The following PAPPA2 variants were observed in gnomAD, a reference collection of about 807,000 sequenced individuals.
PAPPA2 encodes the protein pappalysin-2.
A neutral mutation model predicts 176.4 loss-of-function variants in PAPPA2; 86 were observed. That is an observed-to-expected ratio of 0.49 (90% confidence interval 0.41 to 0.58). The LOEUF (loss-of-function observed/expected upper bound fraction) is 0.58, where lower values mean the gene tolerates loss of function less well. PAPPA2 is among the 20% of genes least tolerant of loss of function. The pLI is 0.00. For missense variants in PAPPA2, 2,073 were observed against 2,256.9 expected (o/e 0.92, Z 1.65); for synonymous variants, 809 against 852.2 (o/e 0.95, Z 0.88).
At chr1:176,767,430 C>T (rs184540407) in intron 15 of PAPPA2, among the ~76,000 whole-genome samples, 29 of 152,290 alleles carry the variant, frequency 1.9e-4, no homozygotes, top group African/African-American at 7.0e-4. Context: ...ACCTCCCAAC[C>T]TCCACCTCCC....
chr1:176,514,388 A>G (rs1648785593), intron 1 of PAPPA2, among the ~76,000 whole-genome samples: 1 of 152,194 alleles, frequency 6.6e-6, no homozygotes, highest in African/African-American at 2.4e-5. Context: ...GATCTGCCCC[A>G]TGACCCAAGC....
intron 4 of PAPPA2, among the ~76,000 whole-genome samples, chr1:176,685,670 C>T (rs983382289): frequency 2.6e-5 from 4 of 152,222 alleles, no homozygotes; most frequent in African/African-American, 4.8e-5. Flanking sequence ...ACAGTCCCTC[C>T]GGCCCCCTCC....
intron 1 of PAPPA2, among the ~76,000 whole-genome samples, chr1:176,476,010 T>C (rs1189466076): frequency 6.6e-6 from 1 of 152,086 alleles, no homozygotes; most frequent in East Asian, 1.9e-4. Context: ...TGAGTTACTG[T>C]AGTTATTTGG....
intron 14 of PAPPA2, among the ~76,000 whole-genome samples, chr1:176,757,806 A>T (rs1663499376): frequency 6.6e-6 from 1 of 152,114 alleles, no homozygotes; most frequent in African/African-American, 2.4e-5. Context: ...GGTATTGCCT[A>T]GGTTTTCTTC....
At chr1:176,545,415 A>AAAATAAATAAATAAATAAAT (rs55993766) in intron 1 of PAPPA2, among the ~76,000 whole-genome samples, 1 of 146,284 alleles carries the variant, frequency 6.8e-6, no homozygotes, top group Non-Finnish European at 1.5e-5. Flanking sequence ...AACCTCAGAA[A>AAAATAAATAAATAAATAAAT]AAATAAATAA....
intron 4 of PAPPA2, among the ~76,000 whole-genome samples, chr1:176,673,438 A>G (rs1039475604): frequency 2.0e-5 from 3 of 152,190 alleles, no homozygotes; most frequent in African/African-American, 7.2e-5. Flanking sequence ...GCACACTCCC[A>G]TCACCAAGAA....
At chr1:176,694,990 G>C (rs567419204) in intron 6 of PAPPA2, among the ~76,000 whole-genome samples, 2 of 152,210 alleles carry the variant, frequency 1.3e-5, no homozygotes, top group Non-Finnish European at 1.5e-5. Context: ...AAGTGCTACT[G>C]CAGAGTTTAC....
intron 12 of PAPPA2, among the ~76,000 whole-genome samples, chr1:176,726,289 G>A (rs1035343111): frequency 3.3e-5 from 5 of 152,190 alleles, no homozygotes; most frequent in East Asian, 1.9e-4. Flanking sequence ...CTTCATCCTT[G>A]ATACACACTT....
At chr1:176,546,020 G>A (rs1202127618) in intron 1 of PAPPA2, among the ~76,000 whole-genome samples, 1 of 152,098 alleles carries the variant, frequency 6.6e-6, no homozygotes, top group East Asian at 1.9e-4. Context: ...CATTAATATG[G>A]CATTTGTTCC....
chr1:176,471,323 C>T (rs998711689), intron 1 of PAPPA2, among the ~76,000 whole-genome samples: 5 of 152,092 alleles, frequency 3.3e-5, no homozygotes, highest in Non-Finnish European at 7.4e-5. Flanking sequence ...TTTGCTTTGC[C>T]ATTTAAGACT....
chr1:176,824,092 G>C (rs1489533637), intron 21 of PAPPA2, among the ~76,000 whole-genome samples: 2 of 152,156 alleles, frequency 1.3e-5, no homozygotes, highest in Admixed American at 1.3e-4. Flanking sequence ...TGGAAAGATG[G>C]CAGTGGTGGA....
In PAPPA2 at chr1:176,558,810, G is replaced by A. The variant is rs992282484; in HGVS notation, c.919+1569G>A. 3.9e-5 allele frequency among the ~76,000 whole-genome samples: 6 copies of A among 152,068 alleles called. No individual in the cohort carries two copies. The East Asian group carries it at 9.6e-4, about 24-fold the overall frequency. On this transcript the variant is annotated intron_variant, in intron 2 of 22. Coordinates refer to ENST00000367662, the MANE Select transcript of PAPPA2 (RefSeq NM_020318.3). ...GCTTGCAGTCTAGACTAAGACCCAC[G>A]ACTCTGCTTACCCCTCCTCTTGCAG...
intron 3 of PAPPA2, among the ~76,000 whole-genome samples, chr1:176,635,013 A>G (rs6664398): frequency 1.0e-4 from 15 of 147,574 alleles, no homozygotes; most frequent in Non-Finnish European, 1.7e-4. Context: ...ATAGATAGAT[A>G]GATGCACAGC....
intron 1 of PAPPA2, among the ~76,000 whole-genome samples, chr1:176,483,449 A>T (rs963837620): frequency 6.9e-6 from 1 of 145,896 alleles, no homozygotes; most frequent in Non-Finnish European, 1.5e-5. Context: ...CCTTAGGTGA[A>T]ACTCAGACAT....
chr1:176,561,278 C>T (rs1284887390), intron 2 of PAPPA2, among the ~76,000 whole-genome samples: 2 of 152,092 alleles, frequency 1.3e-5, no homozygotes, highest in Admixed American at 6.6e-5. Context: ...CAAAGTCTTG[C>T]AGAGTCGTTA....
chr1:176,483,565 G>T (rs1045122099), intron 1 of PAPPA2, among the ~76,000 whole-genome samples: 6 of 147,632 alleles, frequency 4.1e-5, no homozygotes, highest in African/African-American at 1.3e-4. Flanking sequence ...CCGCTTCCCG[G>T]GTTCAAGCGA....
intron 21 of PAPPA2, among the ~76,000 whole-genome samples, chr1:176,818,038 G>A (rs372931889): frequency 8.5e-5 from 13 of 152,206 alleles, no homozygotes; most frequent in South Asian, 8.3e-4. Flanking sequence ...CTAGAGAGGC[G>A]GAAGGAAGAA....
chr1:176,560,678 C>T (rs1017026459), intron 2 of PAPPA2, among the ~76,000 whole-genome samples: 3 of 152,216 alleles, frequency 2.0e-5, no homozygotes, highest in African/African-American at 7.2e-5. Context: ...GTCCCATCCA[C>T]GTGTGTAACT....
At chr1:176,829,809 G>T (rs913090787) in intron 21 of PAPPA2, among the ~76,000 whole-genome samples, 1 of 152,202 alleles carries the variant, frequency 6.6e-6, no homozygotes, top group Non-Finnish European at 1.5e-5. Context: ...CTGGCCAAGG[G>T]CCCAGAGAGG....
Sources: gnomAD v4.1 joint callset for allele counts (sites outside exome capture counted in the v4.1 genomes callset) on GRCh38, gnomAD v4.1.1 for gene constraint, MANE v1.5 for transcripts, NCBI Gene and HGNC (gene_info 2026-07-23, HGNC 2026-07-21) for gene names.